CAPN2: variants seen among roughly 807,000 people sequenced by gnomAD.
CAPN2 encodes the protein calpain 2.
A neutral mutation model predicts 102.3 loss-of-function variants in CAPN2; 92 were observed. The observed-to-expected ratio is 0.90, with a 90% confidence interval of 0.76 to 1.07. The LOEUF is 1.07. CAPN2 is among the 50% of genes least tolerant of loss of function. The pLI is 0.00. For missense variants in CAPN2, 800 were observed against 909.4 expected, an observed-to-expected ratio of 0.88 and a Z score of 1.55; for synonymous variants, 340 against 355.4, an observed-to-expected ratio of 0.96 and a Z score of 0.49.
intron 2 of CAPN2, among the ~76,000 whole-genome samples, chr1:223,742,155 T>G (rs59275322): frequency 0.24 from 35,881 of 151,834 alleles, 7,238 homozygotes; most frequent in African/African-American, 0.55. Context: ...ACTTTGGGAG[T>G]CTGAGGCAGG....
chr1:223,713,536 C>G (rs1424715247), intron 1 of CAPN2, among the ~76,000 whole-genome samples: 1 of 152,162 alleles, frequency 6.6e-6, no homozygotes. Flanking sequence ...CTTATCCCGT[C>G]CCCCAGGGTC....
At chr1:223,761,650 G>T (rs1661187833) in intron 13 of CAPN2, 33 bp downstream of exon 13, 1 of 1,582,106 alleles carries the variant, frequency 6.3e-7, no homozygotes, top group Non-Finnish European at 8.7e-7. Context: ...CACCCACTCT[G>T]TCCTGGACAA....
At chr1:223,772,871 CACTG>C (rs2102818613) in intron 20 of CAPN2, 1 of 152,364 alleles carries the variant, frequency 6.6e-6, no homozygotes, top group South Asian at 2.1e-4. Flanking sequence ...GAAGTTCTCT[CACTG>C]AAAGAAAGAA....
Position 223,755,497 on chromosome 1 carries a change from C to G in CAPN2, c.1153C>G (p.Pro385Ala). ...RNYPNTFWMN[P>A]QYLIKLEEED... ...GGCTGCAGACACATTCTGGATGAAC[C>G]CTCAGTACCTGATCAAGCTGGAGGA... Residue 385 changes from proline to alanine, a missense_variant, in exon 10 of 21, where the codon CCT (proline) becomes GCT (alanine). By Grantham distance (27) the Pro-to-Ala change is conservative (BLOSUM62 -1). Transcript: ENST00000295006. The surrounding 1 kb of genome is among the most constrained non-coding windows in gnomAD (Gnocchi z 4.1). 1 of 1,614,060 alleles carries G rather than the reference C, an allele frequency of 6.2e-7. No individual in the cohort carries two copies.
chr1:223,772,374 C>A, intron 20 of CAPN2, 135 bp downstream of exon 20: 1 of 663,404 alleles, frequency 1.5e-6, no homozygotes, highest in Non-Finnish European at 2.6e-6. Flanking sequence ...GGCCTGTAAC[C>A]GGTTGTAAGA....
chr1:223,745,275 C>T (rs769036691), intron 3 of CAPN2, 31 bp from the exon 4 acceptor site: 10 of 1,613,778 alleles, frequency 6.2e-6, no homozygotes, highest in African/African-American at 1.3e-5. Flanking sequence ...GCCACCAGCT[C>T]CTCCTGCAGC....
At chr1:223,761,536 C>A in intron 12 of CAPN2, 45 bp from the exon 13 acceptor site, 1 of 1,561,912 alleles carries the variant, frequency 6.4e-7, no homozygotes, top group South Asian at 1.1e-5. Context: ...TTCCTTTTTG[C>A]CCTCGCCTGC....
In CAPN2 at chr1:223,755,770, AAAAAC is replaced by A. The variant is rs1571810864; in HGVS notation, c.1305+127_1305+131del. 1 of 1,040,786 alleles carries A rather than the reference AAAAAC, an allele frequency of 9.6e-7. No homozygotes were observed. Among genetic ancestry groups the A allele is most frequent in the East Asian group, 2.7e-5 (1 of 36,454 alleles). The allele number at this position is 1,040,786 out of a possible 1,614,324, so 64.5% of individuals were successfully genotyped here. On this transcript the variant is annotated intron_variant, in intron 10 of 20. Transcript: ENST00000295006. The surrounding 1 kb of genome is among the most constrained non-coding windows in gnomAD (Gnocchi z 4.1). Reference sequence around the variant, plus strand: ...TCCCAGACCGGGAGCTTGGCCAAGGAAAAACAAAACTACCAGCCTGGCCAGGCTCA... The same window carrying A: ...TCCCAGACCGGGAGCTTGGCCAAGGAAAAACTACCAGCCTGGCCAGGCTCA...
At chr1:223,739,212 C>T (rs893829282) in intron 2 of CAPN2, among the ~76,000 whole-genome samples, 4 of 137,652 alleles carry the variant, frequency 2.9e-5, no homozygotes, top group African/African-American at 5.4e-5. Flanking sequence ...TAGACAGAGT[C>T]TCACTCTGTG....
chr1:223,766,385 A>G lies in CAPN2; in HGVS notation c.1709A>G (p.Asp570Gly), dbSNP rs773490606. The G allele has an allele frequency of 6.2e-6, 10 of 1,613,802 alleles. No homozygotes were observed. Among genetic ancestry groups the G allele is most frequent in the South Asian group, 1.1e-5 (1 of 91,088 alleles). ...VLAKRQDIKS[D>G]GFSIETCKIM... ...CTTTTAGGCCAAGATATCAAGTCAG[A>G]TGGCTTCAGCATCGAGACATGCAAA... Residue 570 changes from aspartate to glycine, a missense_variant, in exon 16 of 21, where the codon GAT (aspartate) becomes GGT (glycine). Transcript: ENST00000295006.
chr1:223,747,271 G>A lies in CAPN2; in HGVS notation c.729+106G>A, dbSNP rs1010989340. 1.2e-5 allele frequency: 14 copies of A among 1,139,650 alleles called. No homozygotes were observed. The African/African-American group carries it at 1.5e-4, about 13-fold the overall frequency. The allele number at this position is 1,139,650 out of a possible 1,614,324, so 70.6% of individuals were successfully genotyped here. A position where few individuals can be genotyped will look rare whatever the true frequency, so the allele number is the denominator to read the frequency against. ...CTGCTCCTGTGTACAACGTAATGCA[G>A]CCCTCGTCCACGTAGGGGCCAAAGG... On this transcript the variant is annotated intron_variant, in intron 5 of 20. Coordinates refer to ENST00000295006, the MANE Select transcript of CAPN2 (RefSeq NM_001748.5).
chr1:223,721,230 G>T (rs1308830152), intron 2 of CAPN2, among the ~76,000 whole-genome samples: 1 of 152,194 alleles, frequency 6.6e-6, no homozygotes, highest in Non-Finnish European at 1.5e-5. Flanking sequence ...TGGAGGAAGG[G>T]CTGGAGACCC....
At chr1:223,716,476 C>T in intron 1 of CAPN2, among the ~76,000 whole-genome samples, 1 of 152,144 alleles carries the variant, frequency 6.6e-6, no homozygotes, top group East Asian at 1.9e-4. Context: ...CCAAAACTGA[C>T]AGGAGCAGAG....
chr1:223,733,012 T>C (rs183081395), intron 2 of CAPN2, among the ~76,000 whole-genome samples: 293 of 152,316 alleles, frequency 1.9e-3, no homozygotes, highest in Non-Finnish European at 3.5e-3. Flanking sequence ...TCCTGGGGGT[T>C]GCTCTGGTAT....
At position 223,744,197 on chromosome 1, in the gene CAPN2, T is replaced by C. The variant is rs768805892; in HGVS notation, c.405T>C (p.Tyr135=). 3 of 1,612,552 alleles carry C rather than the reference T, an allele frequency of 1.9e-6. No homozygotes were observed. The highest frequency in any genetic ancestry group is 1.3e-5 in the African/African-American group (1 of 74,894). The stretch of plus-strand genomic sequence containing the variant: ...TAAACCAGAGCTTCCAGGAAAACTA[T>C]GCAGGGATCTTTCACTTCCAGGTAA... ...VPLNQSFQEN[Y]AGIFHFQFWQ... The change falls in exon 3 of 21, where the codon TAT becomes TAC. Residue 135 remains tyrosine, a synonymous_variant. Coordinates refer to ENST00000295006, the MANE Select transcript of CAPN2 (RefSeq NM_001748.5).
chr1:223,770,242 A>G, intron 17 of CAPN2: 1 of 596,892 alleles, frequency 1.7e-6, no homozygotes, highest in Non-Finnish European at 3.0e-6. Context: ...TGGCTGGCTG[A>G]TTTGATGGGC....
In CAPN2 at chr1:223,752,872, G is replaced by A. The variant is rs149659079; in HGVS notation, c.1051G>A (p.Asp351Asn). The change falls in exon 9 of 21, where the codon GAT becomes AAT. Residue 351 changes from aspartate (D) to asparagine (N), a missense_variant. Asp to Asn is a conservative substitution (Grantham distance 23, BLOSUM62 1). Coordinates refer to ENST00000295006, the MANE Select transcript of CAPN2 (RefSeq NM_001748.5). ...CNLTPDTLTSDTYKKWKLTKM... is the reference protein window; with the variant it reads ...CNLTPDTLTSNTYKKWKLTKM... ...CCTGACCCCAGACACTCTCACCAGC[G>A]ATACCTACAAGAAGTGGAAACTCAC... 1.3e-5 allele frequency: 21 copies of A among 1,614,136 alleles called. No individual in the cohort carries two copies. Among genetic ancestry groups the A allele is most frequent in the African/African-American group, 6.7e-5 (5 of 75,018 alleles).
intron 6 of CAPN2, among the ~76,000 whole-genome samples, chr1:223,750,595 C>A (rs934032664): frequency 6.6e-6 from 1 of 152,224 alleles, no homozygotes. Flanking sequence ...AAAAGCGCAT[C>A]CTGTCAGTTA....
At chr1:223,763,063 T>A (rs1466792673) in intron 14 of CAPN2, among the ~76,000 whole-genome samples, 3 of 151,972 alleles carry the variant, frequency 2.0e-5, no homozygotes, top group African/African-American at 7.3e-5. Flanking sequence ...GCTCAAGCAG[T>A]CCTCCCACCT....
Sources: allele counts gnomAD v4.1 joint callset (sites outside exome capture counted in the v4.1 genomes callset), GRCh38; gene constraint gnomAD v4.1.1; non-coding constraint Gnocchi (gnomAD v3.1); transcripts MANE v1.5; gene names NCBI Gene and HGNC (gene_info 2026-07-23, HGNC 2026-07-21).